Variants in MAP4K5 observed in about 807,000 individuals in gnomAD.
MAP4K5 encodes MAPK/ERK kinase kinase kinase 5.
Under a neutral mutation model 135.6 loss-of-function variants are expected in MAP4K5, and 82 were observed. That is an observed-to-expected ratio of 0.60 (90% CI 0.51 to 0.73). The LOEUF (loss-of-function observed/expected upper bound fraction) is 0.73, where lower values mean the gene tolerates loss of function less well. Ranked by LOEUF, MAP4K5 falls within the 30% of genes least tolerant of loss-of-function variation. The probability of loss-of-function intolerance (pLI) is 0.00; values close to 1 mark genes in which losing one functional copy is unlikely to be tolerated. For synonymous variants in MAP4K5, 347 were observed against 335.0 expected, an observed-to-expected ratio of 1.04 and a Z score of -0.39; for missense variants, 907 against 1,010.9, an observed-to-expected ratio of 0.90 and a Z score of 1.39.
At chr14:50,541,408 T>C (rs1037117376) in intron 2 of MAP4K5, among the ~76,000 whole-genome samples, 1 of 152,208 alleles carries the variant, frequency 6.6e-6, no homozygotes, top group African/African-American at 2.4e-5. Context: ...CCTGACACAT[T>C]AGTGACATTT....
At chr14:50,485,766 T>C (rs948214566) in intron 4 of MAP4K5, 124 bp from the exon 5 acceptor site, 2 of 618,902 alleles carry the variant, frequency 3.2e-6, no homozygotes, top group South Asian at 2.2e-5. Context: ...AGGAAACTGC[T>C]ATGTAATCTT....
At chr14:50,509,686 A>AC (rs2037890572) in intron 2 of MAP4K5, among the ~76,000 whole-genome samples, 2 of 151,670 alleles carry the variant, frequency 1.3e-5, no homozygotes, top group Admixed American at 6.6e-5. Context: ...AAAAAAAAAA[A>AC]CAGATTCAAT....
chr14:50,482,425 A>T lies in MAP4K5; in HGVS notation c.323-9T>A, dbSNP rs1181374266. The T allele has an allele frequency of 1.3e-6, 2 of 1,510,134 alleles. No individual in the cohort carries two copies. The highest frequency in any genetic ancestry group is 1.8e-6 in the Non-Finnish European group (2 of 1,125,864). The allele number at this position is 1,510,134 out of a possible 1,614,324, so 93.5% of individuals were successfully genotyped here. On this transcript the variant is annotated splice_polypyrimidine_tract_variant and intron_variant, in intron 5 of 32. Coordinates refer to ENST00000682126, the MANE Select transcript of MAP4K5 (RefSeq NM_006575.6). The stretch of plus-strand genomic sequence containing the variant: ...TGATAATGGTCCAGTAACTAGAAAG[A>T]AAAAGAGACCACATTGTTATACATT...
rs2036887443 is a variant in MAP4K5, at chr14:50,468,690, C to A, written c.635G>T (p.Gly212Val). 1.2e-6 allele frequency: 2 copies of A among 1,613,386 alleles called. No homozygotes were observed. The highest frequency in any genetic ancestry group is 1.7e-6 in the Non-Finnish European group (2 of 1,179,568). The change falls in exon 10 of 33, where the codon GGA (glycine) becomes GTA (valine). Residue 212 changes from glycine to valine, a missense_variant. By Grantham distance (109) the Gly-to-Val change is moderately radical. Transcript: ENST00000682126. Reference protein sequence around the residue: ...WAVGITAIELGELQPPMFDLH... With the variant: ...WAVGITAIELVELQPPMFDLH... ...ATCAAACATAGGTGGCTGAAGTTCT[C>A]CAAGTTCAATTGCTGTTATTCCTAC...
intron 13 of MAP4K5, among the ~76,000 whole-genome samples, chr14:50,461,189 C>A (rs1347714825): frequency 3.9e-5 from 6 of 151,974 alleles, no homozygotes; most frequent in Non-Finnish European, 5.9e-5. Context: ...TCACATCCAG[C>A]TAATTTTTGT....
In MAP4K5 at chr14:50,510,005, G is replaced by C. The variant is rs371196804; in HGVS notation, c.109-5148C>G. On this transcript the variant is annotated intron_variant, in intron 2 of 32. Coordinates refer to ENST00000682126, the MANE Select transcript of MAP4K5 (RefSeq NM_006575.6). ...TTCAAGATTATACATTTCAGGTAAA[G>C]AATACAATGTTCAACTCATATGACA... Among the ~76,000 whole-genome samples, 171 of 152,254 alleles carry C rather than the reference G, an allele frequency of 1.1e-3. 2 individuals are homozygous for C. The South Asian group carries it at 0.033, about 29-fold the overall frequency.
intron 6 of MAP4K5, among the ~76,000 whole-genome samples, chr14:50,477,522 T>C (rs764624558): frequency 3.3e-5 from 5 of 152,158 alleles, no homozygotes; most frequent in Admixed American, 6.5e-5. Context: ...AAAGTAGTAG[T>C]AAAGGCAGAC....
chr14:50,446,054 T>C lies in MAP4K5; in HGVS notation c.1185+25A>G, dbSNP rs746636654. 4 of 1,454,470 alleles carry C rather than the reference T, an allele frequency of 2.8e-6. No individual in the cohort carries two copies. The East Asian group carries it at 7.4e-5, about 27-fold the overall frequency. The allele number at this position is 1,454,470 out of a possible 1,614,324, so 90.1% of individuals were successfully genotyped here. A position where few individuals can be genotyped will look rare whatever the true frequency, so the allele number is the denominator to read the frequency against. On this transcript the variant is annotated intron_variant, in intron 17 of 32. Coordinates refer to ENST00000682126, the MANE Select transcript of MAP4K5 (RefSeq NM_006575.6). ...CTATATTATTTAAATAAGGATTTAG[T>C]GTTCAAAATCATTAAGTAGCTCACC...
intron 3 of MAP4K5, among the ~76,000 whole-genome samples, chr14:50,498,957 C>T (rs776908935): frequency 5.0e-4 from 76 of 152,110 alleles, no homozygotes; most frequent in Non-Finnish European, 9.7e-4. Flanking sequence ...CAGCAGTCTC[C>T]AAAATTATTT....
Position 50,493,021 on chromosome 14 carries a change from C to CA in MAP4K5, c.167-6828dup, listed in dbSNP as rs1301629608. On this transcript the variant is annotated intron_variant, in intron 3 of 32. Transcript: ENST00000682126. Reference sequence around the variant, plus strand: ...TGCCCTCCAGCCTGAGACTCTGTCTCAAAAAAAAGAAAAAAAAAGGAAAAA... The same window carrying CA: ...TGCCCTCCAGCCTGAGACTCTGTCTCAAAAAAAAAGAAAAAAAAAGGAAAAA... Among the ~76,000 whole-genome samples, 191 of 119,372 alleles carry CA rather than the reference C, an allele frequency of 1.6e-3. 1 individual carries two copies. The highest frequency in any genetic ancestry group is 5.7e-3 in the African/African-American group (180 of 31,670). The allele number at this position is 119,372 out of a possible 152,430, so 78.3% of individuals were successfully genotyped here.
intron 15 of MAP4K5, 63 bp from the exon 16 acceptor site, chr14:50,447,544 A>T: frequency 2.2e-6 from 2 of 906,034 alleles, no homozygotes; most frequent in Non-Finnish European, 1.7e-6. Flanking sequence ...ATTTTATTTG[A>T]TTCAAGAAAA....
intron 31 of MAP4K5, among the ~76,000 whole-genome samples, chr14:50,425,507 A>T (rs2035826084): frequency 6.6e-6 from 1 of 152,220 alleles, no homozygotes; most frequent in Non-Finnish European, 1.5e-5. Flanking sequence ...TAAATGAGTC[A>T]ATTTTCTTAG....
At chr14:50,465,884 TG>T (rs2036821511) in intron 11 of MAP4K5, among the ~76,000 whole-genome samples, 1 of 152,130 alleles carries the variant, frequency 6.6e-6, no homozygotes, top group African/African-American at 2.4e-5. Context: ...GAGACCATCC[TG>T]GCCAACATGG....
At chr14:50,421,868 C>T (rs942392616) in intron 32 of MAP4K5, among the ~76,000 whole-genome samples, 6 of 148,828 alleles carry the variant, frequency 4.0e-5, no homozygotes, top group Non-Finnish European at 8.9e-5. Context: ...ATTATCTACA[C>T]CAGGATCAAT....
rs910199946 is a variant in MAP4K5, at chr14:50,490,072, G to GGTGT, written c.167-3882_167-3879dup. ...TCCTTGGGCTCCTCAAGTATGCATGGGTGTGTGTGTGTGTGTGAGAGAGAG... is the reference window on the plus strand; with the variant it reads ...TCCTTGGGCTCCTCAAGTATGCATGGGTGTGTGTGTGTGTGTGTGTGAGAGAGAG... On this transcript the variant is annotated intron_variant, in intron 3 of 32. Transcript: ENST00000682126. Among the ~76,000 whole-genome samples, 9 of 148,892 alleles carry GGTGT rather than the reference G, an allele frequency of 6.0e-5. No individual in the cohort carries two copies. In the Admixed American group the frequency reaches 6.1e-4, roughly 10 times the overall value.
At chr14:50,556,010 CA>C (rs1218513343) in intron 1 of MAP4K5, among the ~76,000 whole-genome samples, 2 of 152,078 alleles carry the variant, frequency 1.3e-5, no homozygotes, top group Non-Finnish European at 1.5e-5. Context: ...ATTGAGGATA[CA>C]GGGGGAAGAG....
chr14:50,487,619 T>G (rs372272229), intron 3 of MAP4K5, among the ~76,000 whole-genome samples: 1 of 152,234 alleles, frequency 6.6e-6, no homozygotes, highest in Admixed American at 6.5e-5. Context: ...GGCTACTTGT[T>G]ACAATTGAAA....
At chr14:50,524,416 A>G (rs1016272305) in intron 2 of MAP4K5, among the ~76,000 whole-genome samples, 1 of 152,170 alleles carries the variant, frequency 6.6e-6, no homozygotes, top group African/African-American at 2.4e-5. Context: ...ACCACATACT[A>G]TATACTAGGC....
chr14:50,426,760 A>T (rs2035856927), intron 30 of MAP4K5, among the ~76,000 whole-genome samples: 1 of 152,108 alleles, frequency 6.6e-6, no homozygotes, highest in African/African-American at 2.4e-5. Context: ...AATAAAATAA[A>T]CCTGCCCCAC....
Sources: gnomAD v4.1 joint callset for allele counts (sites outside exome capture counted in the v4.1 genomes callset) on GRCh38, gnomAD v4.1.1 for gene constraint, MANE v1.5 for transcripts, NCBI Gene and HGNC (gene_info 2026-07-23, HGNC 2026-07-21) for gene names.